CSMD1: variants seen among roughly 807,000 people sequenced by gnomAD.
CSMD1 encodes the protein CUB and Sushi multiple domains 1.
Under a neutral mutation model 417.5 loss-of-function variants are expected in CSMD1, and 213 were observed. The observed-to-expected ratio is 0.51, with a 90% CI of 0.46 to 0.57. The LOEUF is 0.57. CSMD1 is among the 20% of genes least tolerant of loss of function. The probability of loss-of-function intolerance (pLI) is 0.00; values close to 1 mark genes in which losing one functional copy is unlikely to be tolerated. For missense variants in CSMD1, 6,923 were observed against 4,529.7 expected (o/e 1.53, Z -15.17); for synonymous variants, 2,862 against 1,736.8 (o/e 1.65, Z -16.11).
At chr8:3,060,474 C>A (rs1460938628) in intron 49 of CSMD1, among the ~76,000 whole-genome samples, 2 of 152,136 alleles carry the variant, frequency 1.3e-5, no homozygotes, top group African/African-American at 2.4e-5. Context: ...TGGGCATGAG[C>A]CACTGTCTAT....
intron 3 of CSMD1, among the ~76,000 whole-genome samples, chr8:4,063,771 C>G (rs538076120): frequency 6.6e-6 from 1 of 152,244 alleles, no homozygotes; most frequent in South Asian, 2.1e-4. Context: ...TTCATATCTA[C>G]TTCTTCATTC....
intron 3 of CSMD1, among the ~76,000 whole-genome samples, chr8:4,066,222 C>T (rs1035633): frequency 0.34 from 51,164 of 152,054 alleles, 8,847 homozygotes; most frequent in East Asian, 0.5. Flanking sequence ...TCATGGGCAA[C>T]GCCTCCTTCC....
chr8:4,342,233 CTGTGTGTGTG>C (rs1219686033), intron 3 of CSMD1, among the ~76,000 whole-genome samples: 1 of 23,464 alleles, frequency 4.3e-5, no homozygotes, highest in African/African-American at 2.4e-4. Flanking sequence ...GTGTGTGTGT[CTGTGTGTGTG>C]TGTGTGTCTC....
intron 2 of CSMD1, among the ~76,000 whole-genome samples, chr8:4,617,407 C>T (rs1053559943): frequency 9.2e-5 from 14 of 152,074 alleles, no homozygotes; most frequent in Non-Finnish European, 1.5e-5. Flanking sequence ...CCTGTCATTC[C>T]ATATTTTAAA....
chr8:3,605,256 C>T (rs902473619), intron 8 of CSMD1, among the ~76,000 whole-genome samples: 14 of 152,178 alleles, frequency 9.2e-5, no homozygotes, highest in Non-Finnish European at 7.3e-5. Flanking sequence ...TCCCACAGTG[C>T]TGGGTTTACA....
chr8:3,196,121 C>G (rs1796689915), intron 33 of CSMD1, among the ~76,000 whole-genome samples: 1 of 152,172 alleles, frequency 6.6e-6, no homozygotes, highest in South Asian at 2.1e-4. Context: ...CTAAAGTGAC[C>G]TGTGGTCATT....
At chr8:4,365,885 G>C (rs983555004) in intron 3 of CSMD1, among the ~76,000 whole-genome samples, 1 of 152,106 alleles carries the variant, frequency 6.6e-6, no homozygotes, top group African/African-American at 2.4e-5. Context: ...ATTTTCTTTT[G>C]ATATCAAAAT....
At chr8:4,807,221 C>T (rs1431413326) in intron 1 of CSMD1, among the ~76,000 whole-genome samples, 1 of 152,174 alleles carries the variant, frequency 6.6e-6, no homozygotes, top group Non-Finnish European at 1.5e-5. Context: ...CCACCACTCA[C>T]CCGGGGGTTC....
intron 3 of CSMD1, among the ~76,000 whole-genome samples, chr8:4,086,985 C>T (rs1199239955): frequency 6.6e-6 from 1 of 152,172 alleles, no homozygotes; most frequent in Non-Finnish European, 1.5e-5. Context: ...CTTCTGTTTC[C>T]TCATTTACAA....
intron 3 of CSMD1, among the ~76,000 whole-genome samples, chr8:4,201,649 G>T (rs1423752408): frequency 6.7e-6 from 1 of 149,204 alleles, no homozygotes; most frequent in Non-Finnish European, 1.5e-5. Context: ...ATTTACCCTT[G>T]ACCAAAGTTT....
At chr8:4,970,175 T>C (rs1810149499) in intron 1 of CSMD1, among the ~76,000 whole-genome samples, 1 of 152,106 alleles carries the variant, frequency 6.6e-6, no homozygotes, top group African/African-American at 2.4e-5. Flanking sequence ...GTACACAGTG[T>C]AGAGGGAGAA....
intron 9 of CSMD1, among the ~76,000 whole-genome samples, chr8:3,575,614 A>G (rs17323204): frequency 0.35 from 53,438 of 152,010 alleles, 10,050 homozygotes; most frequent in Non-Finnish European, 0.42. Flanking sequence ...CGAGCTTTAG[A>G]TTCTATTCTA....
chr8:3,678,218 T>G (rs772467276), intron 7 of CSMD1, among the ~76,000 whole-genome samples: 15 of 152,126 alleles, frequency 9.9e-5, no homozygotes, highest in Non-Finnish European at 1.8e-4. Flanking sequence ...AGAAGAAGGT[T>G]TCAGATGATC....
At chr8:3,233,602 C>G (rs1345232549) in intron 26 of CSMD1, among the ~76,000 whole-genome samples, 1 of 152,170 alleles carries the variant, frequency 6.6e-6, no homozygotes, top group Non-Finnish European at 1.5e-5. Flanking sequence ...GGATTAGTTT[C>G]ACATTTACTT....
chr8:3,826,244 T>C (rs1310898671), intron 5 of CSMD1, among the ~76,000 whole-genome samples: 4 of 152,144 alleles, frequency 2.6e-5, no homozygotes, highest in Admixed American at 1.3e-4. Flanking sequence ...GTGATGCATC[T>C]GGTCAGCCCA....
At chr8:4,168,351 G>C (rs1007816191) in intron 3 of CSMD1, among the ~76,000 whole-genome samples, 1 of 151,844 alleles carries the variant, frequency 6.6e-6, no homozygotes, top group Non-Finnish European at 1.5e-5. Flanking sequence ...ATCCTTGATT[G>C]CGCCACTGTA....
chr8:4,444,545 C>A (rs548575472), intron 2 of CSMD1, among the ~76,000 whole-genome samples: 1 of 151,866 alleles, frequency 6.6e-6, no homozygotes, highest in East Asian at 1.9e-4. Flanking sequence ...TAATGTCCAT[C>A]TTTTAGGGGT....
At chr8:4,988,042 C>T (rs1334794100) in intron 1 of CSMD1, among the ~76,000 whole-genome samples, 1 of 152,094 alleles carries the variant, frequency 6.6e-6, no homozygotes, top group Non-Finnish European at 1.5e-5. Flanking sequence ...AATAAACTCC[C>T]CTTTATATAT....
rs1478262 is a variant in CSMD1, at chr8:4,657,346, T to C, written c.86-19788A>G. ...GGTCAACTGGCAGACTGAGAGAGGA[T>C]TTTCATTTTTGTTTTGTATTTCCTT... On this transcript the variant is annotated intron_variant, in intron 1 of 69. Coordinates refer to ENST00000635120, the MANE Select transcript of CSMD1 (RefSeq NM_033225.6). Among the ~76,000 whole-genome samples, 125 of 152,162 alleles carry C rather than the reference T, an allele frequency of 8.2e-4. 2 individuals are homozygous for C. Among genetic ancestry groups the C allele is most frequent in the South Asian group, 5.8e-3 (28 of 4,816 alleles).
Sources: gnomAD v4.1 joint callset for allele counts (sites outside exome capture counted in the v4.1 genomes callset) on GRCh38, gnomAD v4.1.1 for gene constraint, MANE v1.5 for transcripts, NCBI Gene and HGNC (gene_info 2026-07-23, HGNC 2026-07-21) for gene names.